Variants in BACH1 observed in about 807,000 individuals in gnomAD.
The protein encoded by BACH1 is transcription regulator protein BACH1.
Under a neutral mutation model 52.9 loss-of-function variants are expected in BACH1, and 35 were observed. The observed-to-expected ratio is 0.66, with a 90% confidence interval of 0.51 to 0.88. The LOEUF is 0.88. BACH1 is among the 40% of genes least tolerant of loss of function. The pLI is 0.00. For synonymous variants in BACH1, 321 were observed against 319.6 expected, an observed-to-expected ratio of 1.00 and a Z score of -0.05; for missense variants, 808 against 872.6, an observed-to-expected ratio of 0.93 and a Z score of 0.93.
At chr21:29,313,447 C>T (rs2088751200) in intron 1 of BACH1, among the ~76,000 whole-genome samples, 1 of 152,146 alleles carries the variant, frequency 6.6e-6, no homozygotes, top group South Asian at 2.1e-4. Context: ...TAGGTGTTTA[C>T]CCAAGAAAAG....
chr21:29,358,806 G>GA (rs1239184018), intron 2 of BACH1, among the ~76,000 whole-genome samples: 2 of 130,680 alleles, frequency 1.5e-5, no homozygotes, highest in South Asian at 5.0e-4. Flanking sequence ...AAGAAAGAAA[G>GA]AAAGAAAGAA....
At chr21:29,304,571 C>T (rs1336465048) in intron 1 of BACH1, among the ~76,000 whole-genome samples, 1 of 152,182 alleles carries the variant, frequency 6.6e-6, no homozygotes, top group African/African-American at 2.4e-5. Flanking sequence ...GTTTTCAATT[C>T]CTTTGTAGCC....
intron 2 of BACH1, among the ~76,000 whole-genome samples, chr21:29,325,000 G>A (rs937453070): frequency 5.9e-5 from 9 of 152,104 alleles, no homozygotes; most frequent in Non-Finnish European, 1.2e-4. Flanking sequence ...AGGCCTAGGC[G>A]AGTGGATCAC....
In BACH1 at chr21:29,329,599, T is replaced by C. The variant is rs749530429; in HGVS notation, c.1682T>C (p.Ile561Thr). The change falls in exon 4 of 5, where the codon ATT becomes ACT. Residue 561 changes from isoleucine to threonine, a missense_variant. Ile to Thr is a moderately conservative substitution (Grantham distance 89). Transcript: ENST00000286800. ...GAACAGCTGGATTGTATCCATGATA[T>C]TCGAAGAAGAAGTAAAAACAGAATT... ...TPEQLDCIHD[I>T]RRRSKNRIAA... is the part of the protein sequence containing the mutation. 1.2e-6 allele frequency: 2 copies of C among 1,606,668 alleles called. No homozygotes were observed. Among genetic ancestry groups the C allele is most frequent in the Non-Finnish European group, 1.7e-6 (2 of 1,177,510 alleles).
At chr21:29,337,768 G>A (rs1040022415) in intron 4 of BACH1, among the ~76,000 whole-genome samples, 2 of 151,998 alleles carry the variant, frequency 1.3e-5, no homozygotes, top group Non-Finnish European at 2.9e-5. Flanking sequence ...TGGCTCAGGA[G>A]TTCGAGGCTA....
chr21:29,327,151 A>G lies in BACH1; in HGVS notation c.1327A>G (p.Ser443Gly), dbSNP rs767823826. ...GTGTCCGTGGTTAGGTATCAGGATT[A>G]GTGAGAGCCCAGAACCAGGTCAAAG... ...SECPWLGIRI[S>G]ESPEPGQRTF... is the part of the protein sequence containing the mutation. Residue 443 changes from serine (S) to glycine (G), a missense_variant, in exon 3 of 5, where the codon AGT becomes GGT. By Grantham distance (56) the Ser-to-Gly change is moderately conservative. Transcript: ENST00000286800. 3.1e-6 allele frequency: 5 copies of G among 1,614,270 alleles called. No homozygotes were observed. The East Asian group carries it at 1.1e-4, about 36-fold the overall frequency.
At position 29,327,076 on chromosome 21, in the gene BACH1, C is replaced by A; in HGVS notation, c.1252C>A (p.Pro418Thr). 1 of 1,614,232 alleles carries A rather than the reference C, an allele frequency of 6.2e-7. No homozygotes were observed. Among genetic ancestry groups the A allele is most frequent in the Non-Finnish European group, 8.5e-7 (1 of 1,180,040 alleles). ...TDTPCQMQLS[P>T]AVAKDGSEQI... ...CACTCCTTGCCAAATGCAGTTATCA[C>A]CTGCTGTGGCCAAAGATGGCTCAGA... The change falls in exon 3 of 5, where the codon CCT (proline) becomes ACT (threonine). Residue 418 changes from proline (P) to threonine (T), a missense_variant. Transcript: ENST00000286800.
chr21:29,329,404 T>G, intron 3 of BACH1, 83 bp from the exon 4 acceptor site: 2 of 1,155,362 alleles, frequency 1.7e-6, no homozygotes, highest in Non-Finnish European at 2.3e-6. Flanking sequence ...TCTGAAAAAC[T>G]TAGATGTATA....
intron 2 of BACH1, among the ~76,000 whole-genome samples, chr21:29,354,097 A>G (rs1019863107): frequency 3.3e-5 from 5 of 152,172 alleles, no homozygotes; most frequent in African/African-American, 1.2e-4. Context: ...GGTGAAGAGG[A>G]AGCATGTTTT....
At chr21:29,321,962 T>C (rs1000779825) in intron 2 of BACH1, among the ~76,000 whole-genome samples, 2 of 152,180 alleles carry the variant, frequency 1.3e-5, no homozygotes, top group African/African-American at 4.8e-5. Context: ...TTTAATCGGC[T>C]CACAGTTGCA....
At chr21:29,312,787 A>G (rs552121381) in intron 1 of BACH1, among the ~76,000 whole-genome samples, 1 of 152,332 alleles carries the variant, frequency 6.6e-6, no homozygotes, top group African/African-American at 2.4e-5. Context: ...GAGAGATGCC[A>G]TATTCATATA....
chr21:29,321,851 G>T (rs189849215), intron 2 of BACH1, among the ~76,000 whole-genome samples: 1 of 151,982 alleles, frequency 6.6e-6, no homozygotes, highest in Admixed American at 6.5e-5. Context: ...TCTTCTAGGG[G>T]CCCTTTCCAG....
intron 1 of BACH1, among the ~76,000 whole-genome samples, chr21:29,314,393 C>G (rs1360774371): frequency 2.6e-5 from 4 of 152,204 alleles, no homozygotes; most frequent in African/African-American, 9.7e-5. Context: ...ACTTCCCTAA[C>G]AGTTCACAGT....
At chr21:29,316,523 A>G (rs968326479) in intron 1 of BACH1, among the ~76,000 whole-genome samples, 1 of 152,206 alleles carries the variant, frequency 6.6e-6, no homozygotes, top group African/African-American at 2.4e-5. Context: ...AGAATTTTAG[A>G]TTCTGGAAGG....
intron 2 of BACH1, chr21:29,361,421 G>C (rs993049431): frequency 9.2e-5 from 14 of 152,126 alleles, no homozygotes; most frequent in African/African-American, 3.4e-4. Context: ...AAGAGCCGTA[G>C]TTGTAGACCT....
At chr21:29,320,757 G>C (rs1164046281) in intron 1 of BACH1, among the ~76,000 whole-genome samples, 1 of 152,188 alleles carries the variant, frequency 6.6e-6, no homozygotes, top group Non-Finnish European at 1.5e-5. Flanking sequence ...GGGGTGTGGA[G>C]AATGTGGAAC....
chr21:29,346,604 A>G (rs866896337), downstream of BACH1, among the ~76,000 whole-genome samples: 1 of 152,026 alleles, frequency 6.6e-6, no homozygotes, highest in African/African-American at 2.4e-5. Context: ...TCCCAGAGAC[A>G]CAAATCTCGG....
At chr21:29,338,723 T>G (rs563934553) in intron 4 of BACH1, among the ~76,000 whole-genome samples, 1 of 152,320 alleles carries the variant, frequency 6.6e-6, no homozygotes, top group East Asian at 1.9e-4. Flanking sequence ...GTTCAAACAT[T>G]AAAACTATAT....
chr21:29,307,821 A>G (rs548246983), intron 1 of BACH1, among the ~76,000 whole-genome samples: 156 of 152,292 alleles, frequency 1.0e-3, no homozygotes, highest in African/African-American at 3.0e-3. Flanking sequence ...TTCCTTCTCA[A>G]TCGCAGGTCT....
Sources: allele counts gnomAD v4.1 joint callset (sites outside exome capture counted in the v4.1 genomes callset), GRCh38; gene constraint gnomAD v4.1.1; transcripts MANE v1.5; gene names NCBI Gene and HGNC (gene_info 2026-07-23, HGNC 2026-07-21).